Variants in RANBP1 observed in about 807,000 individuals in gnomAD.
RANBP1 encodes the protein ran-specific GTPase-activating protein.
A neutral mutation model predicts 31.4 loss-of-function variants in RANBP1; 16 were observed. The ratio of observed to expected loss-of-function variants is 0.51; its 90% CI spans 0.34 to 0.77. The LOEUF (loss-of-function observed/expected upper bound fraction) is 0.77, where lower values mean the gene tolerates loss of function less well. RANBP1 is among the 30% of genes least tolerant of loss of function. The pLI, the probability that RANBP1 is intolerant of heterozygous loss-of-function variation, is 0.01. For synonymous variants in RANBP1, 129 were observed against 140.5 expected (o/e 0.92, Z 0.58); for missense variants, 265 against 362.0 (o/e 0.73, Z 2.17).
chr22:20,118,932 T>C lies in RANBP1; in HGVS notation c.247-81T>C, dbSNP rs2147975837. The C allele has an allele frequency of 2.1e-6, 3 of 1,422,362 alleles. No homozygotes were observed. In the South Asian group the frequency reaches 3.8e-5, roughly 18 times the overall value. 88.1% of individuals were successfully genotyped at this position (1,422,362 alleles called of 1,614,324 possible). On this transcript the variant is annotated intron_variant, in intron 1 of 5. Transcript: ENST00000430524. The stretch of plus-strand genomic sequence containing the variant: ...TGAAGTCCCTTCATTGTCGGAGGGC[T>C]GACCACTGCAGGCACTGGTTGGGCT...
chr22:20,124,842 C>G (rs1490931628), intron 3 of RANBP1: 5 of 181,396 alleles, frequency 2.8e-5, no homozygotes, highest in Non-Finnish European at 5.7e-5. Context: ...GACTGGGCCC[C>G]CTGGGCCTTG....
intron 5 of RANBP1, 127 bp downstream of exon 5, chr22:20,126,495 C>T (rs1407839139): frequency 6.3e-7 from 1 of 1,596,596 alleles, no homozygotes; most frequent in Non-Finnish European, 8.5e-7. Flanking sequence ...CCTCACGTAT[C>T]CAGAGTGATG....
intron 1 of RANBP1, chr22:20,118,164 G>A (rs1250615896): frequency 1.0e-6 from 1 of 1,001,666 alleles, no homozygotes; most frequent in Non-Finnish European, 1.2e-6. Flanking sequence ...CGGCGGCTTT[G>A]TTGGCTGCGG....
chr22:20,118,392 G>A, intron 1 of RANBP1: 10 of 966,612 alleles, frequency 1.0e-5, no homozygotes, highest in Non-Finnish European at 1.3e-5. Context: ...AGGATTTCAT[G>A]ACTTTCACCG....
intron 1 of RANBP1, chr22:20,116,706 T>C: frequency 6.9e-6 from 10 of 1,447,172 alleles, no homozygotes; most frequent in Non-Finnish European, 8.3e-6. Flanking sequence ...CCTCCGTCGG[T>C]GCACTCTGCA....
chr22:20,117,331 G>C (rs952415312), intron 1 of RANBP1: 2 of 1,141,354 alleles, frequency 1.8e-6, no homozygotes, highest in Non-Finnish European at 1.1e-6. Flanking sequence ...GCGCGCGGGT[G>C]TCGCCGGGAG....
At chr22:20,126,635 G>A in intron 5 of RANBP1, 1 of 1,519,502 alleles carries the variant, frequency 6.6e-7, no homozygotes, top group South Asian at 1.2e-5. Flanking sequence ...GCTTTATGAT[G>A]GTCCTCGGTT....
chr22:20,117,386 G>A (rs1003517740), intron 1 of RANBP1: 4 of 1,211,908 alleles, frequency 3.3e-6, no homozygotes, highest in Non-Finnish European at 4.1e-6. Flanking sequence ...TGCGCCGCGG[G>A]CGTTTTGGCG....
intron 3 of RANBP1, among the ~76,000 whole-genome samples, chr22:20,123,142 G>T (rs1371782095): frequency 7.7e-6 from 1 of 129,312 alleles, no homozygotes; most frequent in African/African-American, 3.0e-5. Flanking sequence ...GGTCTGGGGG[G>T]CTGTGTGGTG....
At chr22:20,119,225 CCTGA>C in intron 2 of RANBP1, 76 bp downstream of exon 2, 7 of 1,447,836 alleles carry the variant, frequency 4.8e-6, no homozygotes, top group Non-Finnish European at 6.7e-6. Context: ...CAGGTTTTGG[CCTGA>C]CTTTTAATCA....
chr22:20,117,947 G>A, intron 1 of RANBP1: 1 of 1,008,520 alleles, frequency 9.9e-7, no homozygotes, highest in Non-Finnish European at 1.2e-6. Context: ...ACGCGGGACG[G>A]CCCCAGCCTC....
chr22:20,127,092 T>G lies in RANBP1; in HGVS notation c.*40T>G, dbSNP rs747119279. Reference sequence around the variant, plus strand: ...TTTTCTTTTCCTCTCTTTCCTTTCCTTTTTTTAAAAAATTTTACCCTGCCC... The same window carrying G: ...TTTTCTTTTCCTCTCTTTCCTTTCCGTTTTTTAAAAAATTTTACCCTGCCC... On this transcript the variant is annotated 3_prime_UTR_variant, in exon 6 of 6. Coordinates refer to ENST00000430524, the MANE Select transcript of RANBP1 (RefSeq NM_001278639.2). 1.6e-4 allele frequency: 241 copies of G among 1,534,444 alleles called. 2 individuals carry two copies. In the South Asian group the frequency reaches 2.3e-3, roughly 14 times the overall value.
chr22:20,125,072 C>A, intron 3 of RANBP1: 1 of 515,188 alleles, frequency 1.9e-6, no homozygotes, highest in Non-Finnish European at 3.5e-6. Flanking sequence ...AACAGGTGCC[C>A]ATTCCTATTT....
intron 4 of RANBP1, chr22:20,125,736 C>G: frequency 8.8e-7 from 1 of 1,133,348 alleles, no homozygotes; most frequent in South Asian, 1.6e-5. Context: ...TTAGTTGTTG[C>G]GGAGCCTGAG....
chr22:20,118,451 T>C (rs2050097925), intron 1 of RANBP1: 1 of 772,844 alleles, frequency 1.3e-6, no homozygotes, highest in African/African-American at 1.9e-5. Context: ...GTGAAAAAAT[T>C]GCTGGCAGAG....
At chr22:20,117,863 G>A in intron 1 of RANBP1, 1 of 1,019,060 alleles carries the variant, frequency 9.8e-7, no homozygotes, top group Non-Finnish European at 1.2e-6. Flanking sequence ...GTTTGGGGGT[G>A]CAGGCTCTGC....
intron 2 of RANBP1, among the ~76,000 whole-genome samples, chr22:20,120,049 T>G (rs2050141084): frequency 1.3e-5 from 2 of 152,206 alleles, no homozygotes; most frequent in Admixed American, 1.3e-4. Flanking sequence ...GTTACACACC[T>G]CAGTGAAAAT....
chr22:20,119,021 T>G lies in RANBP1; in HGVS notation c.255T>G (p.His85Gln). 1 of 1,612,506 alleles carries G rather than the reference T, an allele frequency of 6.2e-7. No homozygotes were observed. Among genetic ancestry groups the G allele is most frequent in the Non-Finnish European group, 8.5e-7 (1 of 1,179,840 alleles). Residue 85 changes from histidine (H) to glutamine (Q), a missense_variant, in exon 2 of 6, where the codon CAT becomes CAG. Physicochemically the swap from His to Gln is conservative, Grantham distance 24. Transcript: ENST00000430524. Reference protein sequence around the residue: ...SSSLKISEDTHEDHDTSTENT... With the variant: ...SSSLKISEDTQEDHDTSTENT... The stretch of plus-strand genomic sequence containing the variant: ...TCTTTGTATCTCCACAGGACACTCA[T>G]GAGGACCATGATACTTCCACTGAGA...
At chr22:20,116,716 A>G in intron 1 of RANBP1, 1 of 1,435,260 alleles carries the variant, frequency 7.0e-7, no homozygotes, top group East Asian at 2.5e-5. Context: ...TGCACTCTGC[A>G]CTCAGCCCTG....
Sources: gnomAD v4.1 joint callset for allele counts (sites outside exome capture counted in the v4.1 genomes callset) on GRCh38, gnomAD v4.1.1 for gene constraint, MANE v1.5 for transcripts, NCBI Gene and HGNC (gene_info 2026-07-23, HGNC 2026-07-21) for gene names.